Variants in RNF111 observed in about 807,000 individuals in gnomAD.
RNF111 encodes the protein E3 ubiquitin-protein ligase Arkadia.
Under a neutral mutation model 95.1 loss-of-function variants are expected in RNF111, and 17 were observed. That is an observed-to-expected ratio of 0.18 (90% CI 0.12 to 0.27). The LOEUF (loss-of-function observed/expected upper bound fraction) is 0.27. Ranked by LOEUF, RNF111 falls within the 10% of genes least tolerant of loss-of-function variation. The pLI is 1.00. For missense variants in RNF111, 1,189 were observed against 1,210.4 expected (o/e 0.98, Z 0.26); for synonymous variants, 440 against 414.8 (o/e 1.06, Z -0.74).
intron 1 of RNF111, among the ~76,000 whole-genome samples, chr15:59,020,335 A>G (rs1477291272): frequency 6.6e-6 from 1 of 151,752 alleles, no homozygotes; most frequent in Non-Finnish European, 1.5e-5. Flanking sequence ...TTTATGTCTT[A>G]TTTAGTATAC....
chr15:58,995,400 GT>G (rs1291447409), intron 1 of RNF111, among the ~76,000 whole-genome samples: 5 of 151,482 alleles, frequency 3.3e-5, no homozygotes, highest in African/African-American at 1.2e-4. Flanking sequence ...TGTTCAAATT[GT>G]CCCAGATTTG....
intron 1 of RNF111, among the ~76,000 whole-genome samples, chr15:59,007,808 T>C (rs1393052775): frequency 2.6e-5 from 4 of 152,256 alleles, no homozygotes; most frequent in Non-Finnish European, 4.4e-5. Flanking sequence ...TTGTATGTTT[T>C]GTAAAATCTT....
At chr15:59,003,699 G>A (rs904047446) in intron 1 of RNF111, among the ~76,000 whole-genome samples, 1 of 152,210 alleles carries the variant, frequency 6.6e-6, no homozygotes. Context: ...ACTGCACGTG[G>A]CGTATTTTCT....
In RNF111 at chr15:59,084,159, A is replaced by G; in HGVS notation, c.2328A>G (p.Pro776=). 2 of 1,609,040 alleles carry G rather than the reference A, an allele frequency of 1.2e-6. No homozygotes were observed. Among genetic ancestry groups the G allele is most frequent in the Non-Finnish European group, 1.7e-6 (2 of 1,177,720 alleles). ...CACATGAACGCCCCCCACCCCATCC[A>G]CATAGGATGCACCCAAACTATGGTC... ...TRAHERPPPH[P]HRMHPNYGHG... The change falls in exon 9 of 14, where the codon CCA becomes CCG. Residue 776 remains proline (P), a synonymous_variant. Transcript: ENST00000348370.
At chr15:59,004,148 T>C (rs866216429) in intron 1 of RNF111, 2 of 1,215,754 alleles carry the variant, frequency 1.6e-6, no homozygotes, top group South Asian at 2.9e-5. Flanking sequence ...CCCTCATAGA[T>C]GGCAGTTCTG....
chr15:59,032,524 C>G (rs1386386385), intron 2 of RNF111, among the ~76,000 whole-genome samples: 2 of 152,070 alleles, frequency 1.3e-5, no homozygotes, highest in Admixed American at 6.6e-5. Flanking sequence ...TGGGCTGAAG[C>G]CGTCCTCCCA....
chr15:59,042,635 T>G (rs1201330161), intron 2 of RNF111, among the ~76,000 whole-genome samples: 2 of 152,160 alleles, frequency 1.3e-5, no homozygotes, highest in African/African-American at 4.8e-5. Context: ...TGGACCAAAT[T>G]TTTTTTCATG....
chr15:59,077,116 A>AAC (rs34404684), intron 7 of RNF111, among the ~76,000 whole-genome samples: 46,176 of 152,042 alleles, frequency 0.3, 7,165 homozygotes, highest in East Asian at 0.46. Context: ...AACATTTAGC[A>AAC]AGTTTTTACA....
intron 6 of RNF111, among the ~76,000 whole-genome samples, chr15:59,070,504 C>T (rs1460577583): frequency 6.6e-6 from 1 of 151,918 alleles, no homozygotes; most frequent in Non-Finnish European, 1.5e-5. Flanking sequence ...AGGATTTGAA[C>T]CATAAACATA....
At chr15:59,006,783 C>G (rs2039559421) in intron 1 of RNF111, among the ~76,000 whole-genome samples, 1 of 152,032 alleles carries the variant, frequency 6.6e-6, no homozygotes, top group Admixed American at 6.6e-5. Flanking sequence ...TATTTGTTTA[C>G]AGTTATTTAT....
intron 1 of RNF111, chr15:59,004,286 C>A: frequency 7.3e-6 from 2 of 274,512 alleles, no homozygotes; most frequent in South Asian, 6.6e-5. Context: ...TTTATTATCT[C>A]CAACAGAAGG....
At chr15:59,050,469 C>CA in intron 2 of RNF111, 1 of 152,078 alleles carries the variant, frequency 6.6e-6, no homozygotes, top group Middle Eastern at 3.4e-3. Flanking sequence ...AATTATACCT[C>CA]AAAAAAACTA....
At position 59,075,836 on chromosome 15, in the gene RNF111, G is replaced by C. The variant is rs553811375; in HGVS notation, c.1687-118G>C. The C allele has an allele frequency of 7.7e-5, 85 of 1,100,350 alleles. 1 individual carries two copies. In the African/African-American group the frequency reaches 1.2e-3, roughly 15 times the overall value. The allele number at this position is 1,100,350 out of a possible 1,614,324, so 68.2% of individuals were successfully genotyped here. A position where few individuals can be genotyped will look rare whatever the true frequency, so the allele number is the denominator to read the frequency against. ...GGTTCTTCATACTAAGAATCTTCCT[G>C]GTTTCAAACTAATTTAAAGATTATG... On this transcript the variant is annotated intron_variant, in intron 6 of 13. Coordinates refer to ENST00000348370, the MANE Select transcript of RNF111 (RefSeq NM_017610.8).
At chr15:59,037,386 A>C (rs2041230447) in intron 2 of RNF111, among the ~76,000 whole-genome samples, 1 of 152,210 alleles carries the variant, frequency 6.6e-6, no homozygotes, top group African/African-American at 2.4e-5. Context: ...ACCTAACAGA[A>C]GCTAGGTTTG....
At chr15:59,039,011 C>T (rs1403830988) in intron 2 of RNF111, among the ~76,000 whole-genome samples, 1 of 152,182 alleles carries the variant, frequency 6.6e-6, no homozygotes, top group Non-Finnish European at 1.5e-5. Context: ...GTTGCCCAGG[C>T]TGGAGTGCAA....
Position 59,067,151 on chromosome 15 carries a change from T to A in RNF111, c.1686+68T>A. On this transcript the variant is annotated intron_variant, in intron 6 of 13. Transcript: ENST00000348370. ...TCTCTCTCTCTCTCTCCTTCTCCCT[T>A]TTCTCTCTCTTCCTCTTCCTTCATT... is the stretch of plus-strand genomic sequence containing the variant. The A allele has an allele frequency of 3.1e-6, 4 of 1,294,438 alleles. No individual in the cohort carries two copies. In the South Asian group the frequency reaches 5.4e-5, roughly 17 times the overall value. 80.2% of individuals were successfully genotyped at this position (1,294,438 alleles called of 1,614,324 possible). A position where few individuals can be genotyped will look rare whatever the true frequency, so the allele number is the denominator to read the frequency against.
intron 6 of RNF111, among the ~76,000 whole-genome samples, chr15:59,067,310 T>C (rs1414188103): frequency 6.6e-6 from 1 of 150,588 alleles, no homozygotes; most frequent in Non-Finnish European, 1.5e-5. Flanking sequence ...TTCCCTCTCT[T>C]CCCTTTCCTC....
intron 1 of RNF111, among the ~76,000 whole-genome samples, chr15:59,006,441 T>C (rs1442474844): frequency 6.6e-6 from 1 of 152,354 alleles, no homozygotes; most frequent in African/African-American, 2.4e-5. Flanking sequence ...TAGAATTTCA[T>C]GTAAGTAGTA....
intron 13 of RNF111, among the ~76,000 whole-genome samples, chr15:59,094,321 A>G (rs1193481339): frequency 2.6e-5 from 4 of 152,226 alleles, no homozygotes; most frequent in Non-Finnish European, 4.4e-5. Flanking sequence ...TGTAGTTACT[A>G]TATATTTGCC....
Sources: allele counts gnomAD v4.1 joint callset (sites outside exome capture counted in the v4.1 genomes callset), GRCh38; gene constraint gnomAD v4.1.1; transcripts MANE v1.5; gene names NCBI Gene and HGNC (gene_info 2026-07-23, HGNC 2026-07-21).